Variants in CAPRIN1 observed in about 807,000 individuals in gnomAD.
CAPRIN1 encodes cell cycle associated protein 1.
In CAPRIN1, 29 loss-of-function variants were observed where a neutral mutation model predicts 100.9. The observed-to-expected ratio is 0.29, with a 90% CI of 0.21 to 0.39. CAPRIN1 has a LOEUF of 0.39. CAPRIN1 is among the 10% of genes least tolerant of loss of function. The probability of loss-of-function intolerance (pLI) is 1.00; values close to 1 mark genes in which losing one functional copy is unlikely to be tolerated. For missense variants in CAPRIN1, 795 were observed against 876.7 expected (o/e 0.91, Z 1.18); for synonymous variants, 338 against 307.5 (o/e 1.10, Z -1.04).
intron 7 of CAPRIN1, among the ~76,000 whole-genome samples, chr11:34,082,379 G>A (rs2134119132): frequency 6.6e-6 from 1 of 152,094 alleles, no homozygotes; most frequent in South Asian, 2.1e-4. Flanking sequence ...AGTAGAGTTG[G>A]GGTTTCACCA....
chr11:34,059,791 G>GT (rs899960715), intron 2 of CAPRIN1, among the ~76,000 whole-genome samples: 23 of 149,736 alleles, frequency 1.5e-4, no homozygotes, highest in African/African-American at 4.7e-4. Context: ...TACTTGCAGT[G>GT]TTTTTTTATT....
chr11:34,099,356 C>T lies in CAPRIN1; in HGVS notation c.2119C>T (p.Gln707Ter). Residue 707 changes from glutamine to a stop codon, truncating the protein, a stop_gained, in exon 19 of 19, where the codon CAA becomes TAA. Transcript: ENST00000341394. LOFTEE classifies it high-confidence loss of function. Reference protein sequence around the residue: ...NRGMPQMNTQQVN With the variant: ...NRGMPQMNTQ ...AGGGATGCCGCAAATGAACACTCAG[C>T]AAGTGAATTAATCTGATTCACAGGA... 6.2e-7 allele frequency: 1 copy of T among 1,613,444 alleles called. No individual in the cohort carries two copies. Among genetic ancestry groups the T allele is most frequent in the Non-Finnish European group, 8.5e-7 (1 of 1,179,408 alleles).
chr11:34,060,642 C>G (rs1177908801), intron 2 of CAPRIN1, among the ~76,000 whole-genome samples: 1 of 152,156 alleles, frequency 6.6e-6, no homozygotes, highest in East Asian at 1.9e-4. Context: ...CAAAAGTTTC[C>G]TCAATTTTTA....
At chr11:34,073,115 T>C (rs1213380448) in intron 4 of CAPRIN1, among the ~76,000 whole-genome samples, 1 of 152,194 alleles carries the variant, frequency 6.6e-6, no homozygotes, top group Non-Finnish European at 1.5e-5. Context: ...CTATGTAAAG[T>C]TGCCTCTAAT....
Position 34,102,267 on chromosome 11 carries a change from A to G in CAPRIN1, c.*2900A>G, listed in dbSNP as rs16925167. Among the ~76,000 whole-genome samples the G allele has an allele frequency of 0.1, 15,535 of 152,168 alleles. 861 individuals carry two copies. Among genetic ancestry groups the G allele is most frequent in the African/African-American group, 0.15 (6,260 of 41,520 alleles). ...GTCAGCTTCCTAAGTGTTTTAGGAC[A>G]TTTGTTCATTATATTTTCCGTCATA... On this transcript the variant is annotated 3_prime_UTR_variant, in exon 19 of 19. Transcript: ENST00000341394.
intron 2 of CAPRIN1, among the ~76,000 whole-genome samples, chr11:34,070,059 A>C (rs1394972856): frequency 1.3e-5 from 2 of 152,194 alleles, no homozygotes; most frequent in African/African-American, 4.8e-5. Context: ...ATGTATGTTC[A>C]TAATTTATTG....
chr11:34,092,956 ATCC>A (rs962827648), intron 15 of CAPRIN1, among the ~76,000 whole-genome samples: 3 of 151,572 alleles, frequency 2.0e-5, no homozygotes, highest in African/African-American at 4.8e-5. Flanking sequence ...GGGCTCAATG[ATCC>A]TCCTCCCTCA....
intron 15 of CAPRIN1, among the ~76,000 whole-genome samples, chr11:34,094,289 C>T (rs1379707859): frequency 6.6e-6 from 1 of 152,158 alleles, no homozygotes; most frequent in Non-Finnish European, 1.5e-5. Flanking sequence ...CCTCAGGCCT[C>T]AGGTGATCCA....
At position 34,089,727 on chromosome 11, in the gene CAPRIN1, A is replaced by G. The variant is rs141925529; in HGVS notation, c.1293+271A>G. On this transcript the variant is annotated intron_variant, in intron 12 of 18. Coordinates refer to ENST00000341394, the MANE Select transcript of CAPRIN1 (RefSeq NM_005898.5). ...TCCAAGTCTTCTGTTGGAATTCAGC[A>G]AATTTATTGTTGTGGATAGCTGTCA... is the stretch of plus-strand genomic sequence containing the variant. Among the ~76,000 whole-genome samples the G allele has an allele frequency of 1.3e-3, 198 of 152,262 alleles. 1 individual carries two copies. Among genetic ancestry groups the G allele is most frequent in the African/African-American group, 4.5e-3 (187 of 41,558 alleles).
intron 9 of CAPRIN1, 24 bp from the exon 10 acceptor site, chr11:34,086,040 C>T (rs200891413): frequency 6.1e-4 from 982 of 1,611,212 alleles, no homozygotes; most frequent in Non-Finnish European, 7.8e-4. Flanking sequence ...CCTATTCCTT[C>T]TAATCCTTTT....
chr11:34,075,030 T>A (rs577103587), intron 4 of CAPRIN1, among the ~76,000 whole-genome samples: 60 of 152,268 alleles, frequency 3.9e-4, no homozygotes, highest in African/African-American at 1.3e-3. Flanking sequence ...AAACTTTTTT[T>A]AAATTATTTT....
rs1285534345 is a variant in CAPRIN1, at chr11:34,101,586, A to G, written c.*2219A>G. On this transcript the variant is annotated 3_prime_UTR_variant, in exon 19 of 19. Coordinates refer to ENST00000341394, the MANE Select transcript of CAPRIN1 (RefSeq NM_005898.5). Reference sequence around the variant, plus strand: ...GTTTCTATGTATGTTTTTTCAAAGAATTGTTCCTTTTTTTGAACTATAATT... The same window carrying G: ...GTTTCTATGTATGTTTTTTCAAAGAGTTGTTCCTTTTTTTGAACTATAATT... 6.6e-6 allele frequency among the ~76,000 whole-genome samples: 1 copy of G among 152,154 alleles called. No homozygotes were observed. Among genetic ancestry groups the G allele is most frequent in the African/African-American group, 2.4e-5 (1 of 41,446 alleles).
Position 34,099,484 on chromosome 11 carries a change from G to A in CAPRIN1, c.*117G>A. ...CCTTTCAGGAAACTTATTGTAAAGG[G>A]ACTGTTTTCATCCCATAAAGACAGG... On this transcript the variant is annotated 3_prime_UTR_variant, in exon 19 of 19. Coordinates refer to ENST00000341394, the MANE Select transcript of CAPRIN1 (RefSeq NM_005898.5). 1 of 844,010 alleles carries A rather than the reference G, an allele frequency of 1.2e-6. No individual in the cohort carries two copies. The highest frequency in any genetic ancestry group is 2.0e-6 in the Non-Finnish European group (1 of 509,830). 52.3% of individuals were successfully genotyped at this position (844,010 alleles called of 1,614,324 possible). A position where few individuals can be genotyped will look rare whatever the true frequency, so the allele number is the denominator to read the frequency against.
intron 2 of CAPRIN1, among the ~76,000 whole-genome samples, chr11:34,066,034 C>A (rs561256175): frequency 2.0e-5 from 3 of 152,096 alleles, no homozygotes; most frequent in Non-Finnish European, 4.4e-5. Context: ...AGTGTGATAG[C>A]GTGATCACAC....
intron 18 of CAPRIN1, chr11:34,098,893 T>C: frequency 1.0e-6 from 1 of 999,256 alleles, no homozygotes; most frequent in Non-Finnish European, 1.2e-6. Flanking sequence ...TTAATTTTGA[T>C]AGTATGATGT....
At position 34,066,935 on chromosome 11, in the gene CAPRIN1, T is replaced by C. The variant is rs567497448; in HGVS notation, c.217-4791T>C. Among the ~76,000 whole-genome samples, 15 of 151,128 alleles carry C rather than the reference T, an allele frequency of 9.9e-5. No individual in the cohort carries two copies. The East Asian group carries it at 2.9e-3, about 29-fold the overall frequency. On this transcript the variant is annotated intron_variant, in intron 2 of 18. Transcript: ENST00000341394. ...GCGTGAGCCATCACACCCAGCATTT[T>C]TTTTTTTTTTTTTTAAGACAGTCTT...
chr11:34,054,312 A>G (rs947804045), intron 2 of CAPRIN1, among the ~76,000 whole-genome samples: 1 of 152,228 alleles, frequency 6.6e-6, no homozygotes, highest in Non-Finnish European at 1.5e-5. Flanking sequence ...AGAAAGTAAC[A>G]AAAGTATTTT....
rs747694951 is a variant in CAPRIN1 at position 34,099,388 on chromosome 11, T to G, written c.*21T>G. 4 of 1,596,106 alleles carry G rather than the reference T, an allele frequency of 2.5e-6. No homozygotes were observed. The highest frequency in any genetic ancestry group is 3.3e-5 in the Admixed American group (2 of 59,960). On this transcript the variant is annotated 3_prime_UTR_variant, in exon 19 of 19. Coordinates refer to ENST00000341394, the MANE Select transcript of CAPRIN1 (RefSeq NM_005898.5). ...ATTAATCTGATTCACAGGATTATGT[T>G]TAATCGCCAAAAACACACTGGCCAG... is the stretch of plus-strand genomic sequence containing the variant.
intron 11 of CAPRIN1, among the ~76,000 whole-genome samples, chr11:34,088,452 G>A (rs1416169723): frequency 6.6e-6 from 1 of 152,080 alleles, no homozygotes; most frequent in African/African-American, 2.4e-5. Flanking sequence ...CTTGAGCCCA[G>A]GAGTTTGAGA....
Sources: gnomAD v4.1 joint callset for allele counts (sites outside exome capture counted in the v4.1 genomes callset) on GRCh38, gnomAD v4.1.1 for gene constraint, MANE v1.5 for transcripts, NCBI Gene and HGNC (gene_info 2026-07-23, HGNC 2026-07-21) for gene names.